Variants in PTCHD1 observed in about 807,000 individuals in gnomAD.
The protein encoded by PTCHD1 is patched domain containing 1.
PTCHD1 carries 3 observed loss-of-function variants against 34.6 expected under a neutral mutation model. The ratio of observed to expected loss-of-function variants is 0.09; its 90% confidence interval spans 0.04 to 0.22. The LOEUF (loss-of-function observed/expected upper bound fraction) is 0.22. Ranked by LOEUF, PTCHD1 falls within the 10% of genes least tolerant of loss-of-function variation. The pLI is 1.00. For synonymous variants in PTCHD1, 305 were observed against 283.1 expected (o/e 1.08, Z -0.77); for missense variants, 504 against 685.5 (o/e 0.74, Z 2.96).
intron 1 of PTCHD1, among the ~76,000 whole-genome samples, chrX:23,342,305 TA>T (rs1921354161): frequency 2.5e-3 from 25 of 9,805 alleles, no homozygotes; most frequent in African/African-American, 3.9e-3. Context: ...TATATATATA[TA>T]TATATTTTTT....
chrX:23,347,184 T>C (rs1448019418), intron 1 of PTCHD1, among the ~76,000 whole-genome samples: 1 of 111,531 alleles, frequency 9.0e-6, no homozygotes, highest in Non-Finnish European at 1.9e-5. Flanking sequence ...AAGAAATCAA[T>C]TTGAAGCACT....
Position 23,397,554 on chromosome X carries a change from T to C in PTCHD1, c.*3369T>C, listed in dbSNP as rs1309696766. Reference sequence around the variant, plus strand: ...ATTTGGTTTGTGGTTTGTGTTTGCTTGTGTTTGCTTCTGCCTTTCCTACCT... The same window carrying C: ...ATTTGGTTTGTGGTTTGTGTTTGCTCGTGTTTGCTTCTGCCTTTCCTACCT... On this transcript the variant is annotated 3_prime_UTR_variant, in exon 3 of 3. Transcript: ENST00000379361. The C allele has an allele frequency of 8.9e-6, 1 of 112,288 alleles. No homozygotes were observed. The highest frequency in any genetic ancestry group is 1.9e-5 in the Non-Finnish European group (1 of 53,291). The allele number at this position is 112,288 out of a possible 1,213,427, so 9.3% of individuals were successfully genotyped here.
intron 2 of PTCHD1, among the ~76,000 whole-genome samples, chrX:23,386,028 A>G (rs1189279241): frequency 1.8e-5 from 2 of 111,010 alleles, no homozygotes; most frequent in African/African-American, 6.5e-5. Flanking sequence ...TGTGTATACT[A>G]TCTGGTATAT....
At chrX:23,367,537 C>T (rs766789099) in intron 1 of PTCHD1, among the ~76,000 whole-genome samples, 52 of 111,292 alleles carry the variant, frequency 4.7e-4, no homozygotes, top group African/African-American at 1.6e-3. Flanking sequence ...GTAGGGCTGG[C>T]GTGCTCAGGG....
chrX:23,362,601 T>A (rs1569136300), intron 1 of PTCHD1, among the ~76,000 whole-genome samples: 2 of 112,264 alleles, frequency 1.8e-5, no homozygotes, highest in Admixed American at 1.9e-4. Flanking sequence ...AAGTTTGTAA[T>A]TACCGACCTT....
At chrX:23,372,084 C>A (rs1285850143) in intron 1 of PTCHD1, among the ~76,000 whole-genome samples, 2 of 109,761 alleles carry the variant, frequency 1.8e-5, no homozygotes, top group African/African-American at 3.3e-5. Context: ...ATGGGGGCAG[C>A]AGAATAAAAA....
chrX:23,396,171 T>A lies in PTCHD1; in HGVS notation c.*1986T>A, dbSNP rs776466228. ...GCAAACCTGTGCTTTCTATTTCACG[T>A]ACTGTTGTCCATACAGTTCTAAATA... On this transcript the variant is annotated 3_prime_UTR_variant, in exon 3 of 3. Transcript: ENST00000379361. 16 of 112,671 alleles carry A rather than the reference T, an allele frequency of 1.4e-4. No individual in the cohort carries two copies. Among genetic ancestry groups the A allele is most frequent in the African/African-American group, 4.8e-4 (15 of 30,991 alleles). The allele number at this position is 112,671 out of a possible 1,213,427, so 9.3% of individuals were successfully genotyped here.
chrX:23,349,787 T>C (rs1392748684), intron 1 of PTCHD1, among the ~76,000 whole-genome samples: 1 of 110,435 alleles, frequency 9.1e-6, no homozygotes, highest in East Asian at 2.8e-4. Flanking sequence ...ATTAAGGATA[T>C]AGATAATCAG....
intron 1 of PTCHD1, among the ~76,000 whole-genome samples, chrX:23,368,015 A>G (rs771923794): frequency 9.0e-6 from 1 of 110,685 alleles, no homozygotes; most frequent in South Asian, 3.9e-4. Flanking sequence ...ATGATAAATT[A>G]TATGGTCACA....
rs907447356 is a variant in PTCHD1, at chrX:23,394,054, C to T, written c.2536C>T (p.Leu846=). ...CTGCTTTGCCATTTTACCTGTGATA[C>T]TGACTTTCCTGCCACCCTCTAAGAA... ...FHCFAILPVI[L]TFLPPSKKKR... Residue 846 remains leucine, a synonymous_variant, in exon 3 of 3, where the codon CTG becomes TTG. Coordinates refer to ENST00000379361, the MANE Select transcript of PTCHD1 (RefSeq NM_173495.3). The T allele has an allele frequency of 1.7e-6, 2 of 1,209,105 alleles. No individual in the cohort carries two copies. The highest frequency in any genetic ancestry group is 2.2e-6 in the Non-Finnish European group (2 of 894,136).
chrX:23,386,553 C>T (rs1788226534), intron 2 of PTCHD1, among the ~76,000 whole-genome samples: 1 of 111,940 alleles, frequency 8.9e-6, no homozygotes, highest in Non-Finnish European at 1.9e-5. Flanking sequence ...AAACTTCTCC[C>T]TGAAAATAGA....
intron 1 of PTCHD1, among the ~76,000 whole-genome samples, chrX:23,355,442 G>T (rs1044337279): frequency 8.9e-6 from 1 of 112,621 alleles, no homozygotes; most frequent in African/African-American, 3.2e-5. Context: ...GGACATTTTT[G>T]CTCCTTTTCA....
At chrX:23,348,868 T>G (rs1921550947) in intron 1 of PTCHD1, among the ~76,000 whole-genome samples, 1 of 111,691 alleles carries the variant, frequency 9.0e-6, no homozygotes, top group Non-Finnish European at 1.9e-5. Context: ...AGAGAAGGAA[T>G]AAATGAAGCT....
chrX:23,369,796 C>T (rs1922232469), intron 1 of PTCHD1, among the ~76,000 whole-genome samples: 1 of 111,557 alleles, frequency 9.0e-6, no homozygotes, highest in South Asian at 3.8e-4. Context: ...AAACTTGGAG[C>T]TTATACTGGG....
At chrX:23,357,367 A>G (rs1273185192) in intron 1 of PTCHD1, among the ~76,000 whole-genome samples, 1 of 112,076 alleles carries the variant, frequency 8.9e-6, no homozygotes, top group Non-Finnish European at 1.9e-5. Flanking sequence ...ATGGTAAAAA[A>G]TTAAAAAGAC....
intron 1 of PTCHD1, among the ~76,000 whole-genome samples, chrX:23,363,601 G>A (rs1292385176): frequency 8.9e-6 from 1 of 112,798 alleles, no homozygotes; most frequent in Non-Finnish European, 1.9e-5. Context: ...CTGACCCCTT[G>A]CGCTTCCTGG....
intron 1 of PTCHD1, among the ~76,000 whole-genome samples, chrX:23,345,665 AT>A (rs1319089230): frequency 5.4e-5 from 6 of 111,321 alleles, no homozygotes; most frequent in African/African-American, 1.6e-4. Context: ...TCGCAAGGTG[AT>A]GCTGTTCTTG....
chrX:23,392,665 C>G lies in PTCHD1; in HGVS notation c.1147C>G (p.Leu383Val), dbSNP rs767437247. ...LSFSLTTAMY[L>V]VTFGIGASPF... ...CTTTTCTCTCACCACTGCCATGTAC[C>G]TGGTCACCTTTGGCATAGGGGCCAG... Residue 383 changes from leucine (L) to valine (V), a missense_variant, in exon 3 of 3, where the codon CTG becomes GTG. By Grantham distance (32) the Leu-to-Val change is conservative. Transcript: ENST00000379361. 2.4e-5 allele frequency: 29 copies of G among 1,211,938 alleles called. No individual in the cohort carries two copies. The highest frequency in any genetic ancestry group is 3.1e-5 in the Non-Finnish European group (28 of 895,321).
At chrX:23,355,099 C>A (rs1021314705) in intron 1 of PTCHD1, among the ~76,000 whole-genome samples, 1 of 110,685 alleles carries the variant, frequency 9.0e-6, no homozygotes, top group African/African-American at 3.3e-5. Context: ...CTCCTACTCC[C>A]CGCCTACTGG....
Sources: allele counts gnomAD v4.1 joint callset (sites outside exome capture counted in the v4.1 genomes callset), GRCh38; gene constraint gnomAD v4.1.1; transcripts MANE v1.5; gene names NCBI Gene and HGNC (gene_info 2026-07-23, HGNC 2026-07-21).